Variants in RALGAPA2 observed in about 807,000 individuals in gnomAD.
RALGAPA2 encodes the protein Ral GTPase activating protein catalytic subunit alpha 2.
Under a neutral mutation model 230.4 loss-of-function variants are expected in RALGAPA2, and 139 were observed. That is an observed-to-expected ratio of 0.60 (90% CI 0.53 to 0.69). The LOEUF is 0.69. Ranked by LOEUF, RALGAPA2 falls within the 30% of genes least tolerant of loss-of-function variation. The pLI, the probability that RALGAPA2 is intolerant of heterozygous loss-of-function variation, is 0.00. For missense variants in RALGAPA2, 2,163 were observed against 2,276.0 expected (o/e 0.95, Z 1.01); for synonymous variants, 847 against 837.8 (o/e 1.01, Z -0.19).
chr20:20,639,680 AAAAG>A, intron 7 of RALGAPA2, 101 bp downstream of exon 7: 1 of 842,352 alleles, frequency 1.2e-6, no homozygotes, highest in African/African-American at 1.7e-5. Flanking sequence ...ACCTCAAAGA[AAAAG>A]AAAGAGGAAA....
chr20:20,463,931 T>G (rs974125650), intron 37 of RALGAPA2, among the ~76,000 whole-genome samples: 5 of 152,196 alleles, frequency 3.3e-5, no homozygotes, highest in African/African-American at 1.2e-4. Context: ...CAAAAATGTA[T>G]TTGGGAACAA....
At chr20:20,667,750 G>A (rs989075878) in intron 3 of RALGAPA2, among the ~76,000 whole-genome samples, 3 of 152,196 alleles carry the variant, frequency 2.0e-5, no homozygotes, top group Non-Finnish European at 4.4e-5. Flanking sequence ...TTATCTTGAA[G>A]GGGAAACAGA....
intron 37 of RALGAPA2, among the ~76,000 whole-genome samples, chr20:20,468,523 C>T (rs963617818): frequency 2.6e-5 from 4 of 152,162 alleles, no homozygotes; most frequent in African/African-American, 9.6e-5. Flanking sequence ...ATACCCAATC[C>T]TCCAGGTGAA....
chr20:20,571,825 G>T, intron 22 of RALGAPA2, 23 bp downstream of exon 22: 1 of 1,571,598 alleles, frequency 6.4e-7, no homozygotes, highest in South Asian at 1.1e-5. Context: ...TCGCAATAAA[G>T]GAATAAACAC....
At chr20:20,633,217 C>A (rs1288714581) in intron 9 of RALGAPA2, among the ~76,000 whole-genome samples, 4 of 152,110 alleles carry the variant, frequency 2.6e-5, no homozygotes, top group Admixed American at 1.3e-4. Context: ...TCACTCCAAC[C>A]TCCACCTCCC....
At chr20:20,558,928 G>A (rs1418371027) in intron 23 of RALGAPA2, among the ~76,000 whole-genome samples, 2 of 152,026 alleles carry the variant, frequency 1.3e-5, no homozygotes, top group East Asian at 3.9e-4. Context: ...TCAGGTTTGG[G>A]TGAAAATGAG....
intron 28 of RALGAPA2, 109 bp downstream of exon 28, chr20:20,526,143 T>C: frequency 1.1e-6 from 1 of 876,858 alleles, no homozygotes; most frequent in Non-Finnish European, 1.7e-6. Context: ...CTTGTGGCAA[T>C]TTAATAGTTG....
intron 20 of RALGAPA2, among the ~76,000 whole-genome samples, chr20:20,576,716 TAA>T (rs1287261341): frequency 6.6e-6 from 1 of 152,098 alleles, no homozygotes; most frequent in East Asian, 1.9e-4. Flanking sequence ...ATGAAAAAGG[TAA>T]AGTTTCTCTT....
intron 3 of RALGAPA2, chr20:20,659,657 T>A (rs953903823): frequency 3.2e-5 from 10 of 311,656 alleles, no homozygotes; most frequent in Non-Finnish European, 6.2e-5. Context: ...TAAGACAACA[T>A]CCTAAAAATA....
At chr20:20,580,799 T>C (rs1440921141) in intron 20 of RALGAPA2, among the ~76,000 whole-genome samples, 2 of 152,192 alleles carry the variant, frequency 1.3e-5, no homozygotes, top group Admixed American at 1.3e-4. Flanking sequence ...AATATAAAAG[T>C]AAACAGTTTG....
At chr20:20,531,541 C>T (rs1202616414) in intron 27 of RALGAPA2, 146 bp downstream of exon 27, 2 of 732,444 alleles carry the variant, frequency 2.7e-6, no homozygotes, top group Non-Finnish European at 4.6e-6. Flanking sequence ...GTTGGTGCCC[C>T]TCCCGGGAGC....
intron 37 of RALGAPA2, among the ~76,000 whole-genome samples, chr20:20,442,645 G>A (rs910012567): frequency 6.6e-6 from 1 of 152,164 alleles, no homozygotes; most frequent in Admixed American, 6.5e-5. Context: ...AAAGCAGACT[G>A]GTATTACAAT....
intron 3 of RALGAPA2, among the ~76,000 whole-genome samples, chr20:20,657,079 T>C (rs1046573931): frequency 6.6e-6 from 1 of 152,114 alleles, no homozygotes; most frequent in Non-Finnish European, 1.5e-5. Flanking sequence ...TTAATGATAA[T>C]AGCAAGGTGA....
chr20:20,613,596 C>A (rs2066039931), intron 13 of RALGAPA2, among the ~76,000 whole-genome samples: 1 of 152,144 alleles, frequency 6.6e-6, no homozygotes, highest in Admixed American at 6.5e-5. Flanking sequence ...GCAACCTGGC[C>A]CCGGCCTGCC....
chr20:20,491,239 A>AT (rs1049577721), intron 36 of RALGAPA2, among the ~76,000 whole-genome samples: 4 of 151,944 alleles, frequency 2.6e-5, no homozygotes, highest in Admixed American at 2.0e-4. Context: ...AATCACTATC[A>AT]TTTTTTTCTC....
intron 20 of RALGAPA2, 76 bp from the exon 21 acceptor site, chr20:20,573,144 AC>A: frequency 8.0e-7 from 1 of 1,250,652 alleles, no homozygotes; most frequent in South Asian, 2.0e-5. Context: ...AAGGCAAATT[AC>A]CTTAGGTATT....
At chr20:20,502,353 G>A (rs944559869) in intron 35 of RALGAPA2, among the ~76,000 whole-genome samples, 1 of 152,098 alleles carries the variant, frequency 6.6e-6, no homozygotes, top group Admixed American at 6.5e-5. Context: ...ACGGGGCAGG[G>A]GGAAAAAAAG....
At chr20:20,517,720 T>C (rs1337218426) in intron 31 of RALGAPA2, among the ~76,000 whole-genome samples, 1 of 151,324 alleles carries the variant, frequency 6.6e-6, no homozygotes, top group Non-Finnish European at 1.5e-5. Flanking sequence ...AAGAAACTCA[T>C]GTAGAGTCTT....
At chr20:20,472,797 T>A in intron 37 of RALGAPA2, 32 bp downstream of exon 37, 1 of 1,597,556 alleles carries the variant, frequency 6.3e-7, no homozygotes, top group Non-Finnish European at 8.5e-7. Flanking sequence ...CTGGGATGGT[T>A]AGTAAGTTAC....
Sources: gnomAD v4.1 joint callset for allele counts (sites outside exome capture counted in the v4.1 genomes callset) on GRCh38, gnomAD v4.1.1 for gene constraint, MANE v1.5 for transcripts, NCBI Gene and HGNC (gene_info 2026-07-23, HGNC 2026-07-21) for gene names.